The following NTS variants were observed in gnomAD, a reference collection of about 807,000 sequenced individuals.
NTS encodes the protein neurotensin.
In NTS, 20 loss-of-function variants were observed where a neutral mutation model predicts 19.5. That is an observed-to-expected ratio of 1.02 (90% CI 0.72 to 1.49). The LOEUF is 1.49. Among genes scored for constraint, NTS ranks in the 40% most tolerant of loss-of-function variants. The pLI, the probability that NTS is intolerant of heterozygous loss-of-function variation, is 0.00. For missense variants in NTS, 215 were observed against 193.1 expected, an observed-to-expected ratio of 1.11 and a Z score of -0.67; for synonymous variants, 71 against 63.3, an observed-to-expected ratio of 1.12 and a Z score of -0.58.
chr12:85,880,408 T>G (rs118051769), intron 3 of NTS, among the ~76,000 whole-genome samples: 1 of 152,232 alleles, frequency 6.6e-6, no homozygotes, highest in Non-Finnish European at 1.5e-5. Flanking sequence ...TAAGAGAAAC[T>G]TGGTCAATAT....
In NTS at chr12:85,881,768, A is replaced by T. The variant is rs757432380; in HGVS notation, c.361-455A>T. On this transcript the variant is annotated intron_variant, in intron 3 of 3. Coordinates refer to ENST00000256010, the MANE Select transcript of NTS (RefSeq NM_006183.5). ...AGTAACTGACTTAATTGAATATAACATTTTGTTACCTTTGTGGCCAAACTT... is the reference window on the plus strand; with the variant it reads ...AGTAACTGACTTAATTGAATATAACTTTTTGTTACCTTTGTGGCCAAACTT... 5.1e-4 allele frequency among the ~76,000 whole-genome samples: 78 copies of T among 152,260 alleles called. 1 individual carries two copies. Among genetic ancestry groups the T allele is most frequent in the African/African-American group, 1.4e-3 (59 of 41,558 alleles).
Position 85,875,391 on chromosome 12 carries a change from G to C in NTS, c.73+915G>C, listed in dbSNP as rs189510482. Among the ~76,000 whole-genome samples the C allele has an allele frequency of 7.9e-3, 1,207 of 152,066 alleles. 3 individuals are homozygous for C. The highest frequency in any genetic ancestry group is 0.014 in the Non-Finnish European group (964 of 67,914). The stretch of plus-strand genomic sequence containing the variant: ...CAGCAAAAATAATTTAACCTGTTCT[G>C]TGCTTTTATGTATCATAAATATGAC... On this transcript the variant is annotated intron_variant, in intron 1 of 3. Coordinates refer to ENST00000256010, the MANE Select transcript of NTS (RefSeq NM_006183.5).
rs1881286066 is a variant in NTS at position 85,874,472 on chromosome 12, C to T, written c.69C>T (p.Cys23=). Residue 23 remains cysteine (C), a synonymous_variant, in exon 1 of 4, where the codon TGC becomes TGT. Coordinates refer to ENST00000256010, the MANE Select transcript of NTS (RefSeq NM_006183.5). ...LLLAFSSWSL[C]SDSEEEMKAL... is the part of the protein sequence containing the mutation. The stretch of plus-strand genomic sequence containing the variant: ...TGGCTTTCAGCTCCTGGAGTCTGTG[C>T]TCAGGTAAGCAAAACAGAATTTCAC... 4 of 1,609,320 alleles carry T rather than the reference C, an allele frequency of 2.5e-6. No homozygotes were observed. Among genetic ancestry groups the T allele is most frequent in the African/African-American group, 1.3e-5 (1 of 74,814 alleles).
At chr12:85,875,425 G>A (rs1195920897) in intron 1 of NTS, among the ~76,000 whole-genome samples, 1 of 152,040 alleles carries the variant, frequency 6.6e-6, no homozygotes, top group Non-Finnish European at 1.5e-5. Flanking sequence ...ACATGGAAAT[G>A]TTTAACTCAA....
chr12:85,876,292 T>A (rs144964903), intron 1 of NTS, among the ~76,000 whole-genome samples: 43 of 152,060 alleles, frequency 2.8e-4, no homozygotes, highest in Non-Finnish European at 5.3e-4. Flanking sequence ...ATATGTAAAC[T>A]GTGGCTGGTA....
chr12:85,881,782 G>A (rs1341323364), intron 3 of NTS, among the ~76,000 whole-genome samples: 1 of 151,942 alleles, frequency 6.6e-6, no homozygotes, highest in Non-Finnish European at 1.5e-5. Context: ...TGTTACCTTT[G>A]TGGCCAAACT....
chr12:85,880,314 G>A (rs1432483414), intron 3 of NTS, among the ~76,000 whole-genome samples: 1 of 151,774 alleles, frequency 6.6e-6, no homozygotes, highest in East Asian at 1.9e-4. Context: ...AAGAGAAGGG[G>A]GAAGAAAAAT....
rs1021579686 is a variant in NTS at position 85,878,397 on chromosome 12, G to A, written c.188G>A (p.Ser63Asn). The change falls in exon 3 of 4, where the codon AGT (serine) becomes AAT (asparagine). Residue 63 changes from serine (S) to asparagine (N), a missense_variant. Ser to Asn is a conservative substitution (Grantham distance 46, BLOSUM62 1). Coordinates refer to ENST00000256010, the MANE Select transcript of NTS (RefSeq NM_006183.5). The stretch of plus-strand genomic sequence containing the variant: ...AAGATGACTCTGCTAAATGTTTGCA[G>A]TCTTGTAAATAATTTGAACAGCCCA... ...SWKMTLLNVC[S>N]LVNNLNSPAE... 4 of 1,612,900 alleles carry A rather than the reference G, an allele frequency of 2.5e-6. No homozygotes were observed. Among genetic ancestry groups the A allele is most frequent in the African/African-American group, 1.3e-5 (1 of 74,858 alleles).
chr12:85,875,225 G>A (rs1881314154), intron 1 of NTS, among the ~76,000 whole-genome samples: 1 of 151,984 alleles, frequency 6.6e-6, no homozygotes, highest in Admixed American at 6.6e-5. Context: ...AAGTATCTAC[G>A]AATAACTCAC....
At chr12:85,876,825 C>T (rs921958204) in intron 2 of NTS, 124 bp downstream of exon 2, 29 of 480,572 alleles carry the variant, frequency 6.0e-5, no homozygotes, top group Non-Finnish European at 9.6e-5. Flanking sequence ...GAGGCATTTC[C>T]TTTTTGAAAA....
At chr12:85,879,093 T>A (rs1291533193) in intron 3 of NTS, among the ~76,000 whole-genome samples, 1 of 147,272 alleles carries the variant, frequency 6.8e-6, no homozygotes, top group Non-Finnish European at 1.5e-5. Flanking sequence ...AATATATTTT[T>A]ATGTATATTT....
rs1263423319 is a variant in NTS, at chr12:85,882,578, A to G, written c.*203A>G. On this transcript the variant is annotated 3_prime_UTR_variant, in exon 4 of 4. Coordinates refer to ENST00000256010, the MANE Select transcript of NTS (RefSeq NM_006183.5). ...AAATCTTCAGCATGATGTGTTGTGTATAATTGGAGTAGATATTAATTAAGT... is the reference window on the plus strand; with the variant it reads ...AAATCTTCAGCATGATGTGTTGTGTGTAATTGGAGTAGATATTAATTAAGT... 3 of 453,350 alleles carry G rather than the reference A, an allele frequency of 6.6e-6. No individual in the cohort carries two copies. The highest frequency in any genetic ancestry group is 7.2e-5 in the South Asian group (2 of 27,616). The allele number at this position is 453,350 out of a possible 1,614,324, so 28.1% of individuals were successfully genotyped here.
chr12:85,874,740 G>GA (rs144442367), intron 1 of NTS, among the ~76,000 whole-genome samples: 4 of 152,068 alleles, frequency 2.6e-5, no homozygotes, highest in Middle Eastern at 3.4e-3. Context: ...CAACTAGAGG[G>GA]AAAAAAACCC....
chr12:85,879,845 TA>T (rs1450283742), intron 3 of NTS, among the ~76,000 whole-genome samples: 1 of 145,114 alleles, frequency 6.9e-6, no homozygotes, highest in Non-Finnish European at 1.5e-5. Context: ...AATATATTTT[TA>T]TGTATATTTA....
rs147732801 is a variant in NTS at position 85,875,839 on chromosome 12, T to A, written c.74-801T>A. On this transcript the variant is annotated intron_variant, in intron 1 of 3. Coordinates refer to ENST00000256010, the MANE Select transcript of NTS (RefSeq NM_006183.5). ...ATTAAGCCAATGGGTTCTCCAATTGTGGCATTTCTTTTTACTGAGTGTGTA... is the reference window on the plus strand; with the variant it reads ...ATTAAGCCAATGGGTTCTCCAATTGAGGCATTTCTTTTTACTGAGTGTGTA... Among the ~76,000 whole-genome samples, 415 of 152,136 alleles carry A rather than the reference T, an allele frequency of 2.7e-3. 1 individual carries two copies. Among genetic ancestry groups the A allele is most frequent in the African/African-American group, 9.5e-3 (397 of 41,576 alleles).
chr12:85,881,931 C>T (rs993450413), intron 3 of NTS, among the ~76,000 whole-genome samples: 8 of 151,820 alleles, frequency 5.3e-5, no homozygotes, highest in South Asian at 2.1e-4. Flanking sequence ...GATTAGTGTA[C>T]GGCCTTGAAA....
chr12:85,882,173 CAA>C, intron 3 of NTS, 48 bp from the exon 4 acceptor site: 2 of 1,419,756 alleles, frequency 1.4e-6, no homozygotes, highest in Non-Finnish European at 1.9e-6. Flanking sequence ...TGCTCTGAAA[CAA>C]AAGAGTTTAT....
Position 85,882,545 on chromosome 12 carries a change from ATAAATC to A in NTS, c.*178_*183del. The A allele has an allele frequency of 1.9e-6, 1 of 527,802 alleles. No individual in the cohort carries two copies. The highest frequency in any genetic ancestry group is 3.0e-5 in the South Asian group (1 of 33,886). 32.7% of individuals were successfully genotyped at this position (527,802 alleles called of 1,614,324 possible). ...TATAAATTAGACTAAGTGTTTTCAAATAAATCTAAATCTTCAGCATGATGTGTTGTG... is the reference window on the plus strand; with the variant it reads ...TATAAATTAGACTAAGTGTTTTCAAATAAATCTTCAGCATGATGTGTTGTG... On this transcript the variant is annotated 3_prime_UTR_variant, in exon 4 of 4. Coordinates refer to ENST00000256010, the MANE Select transcript of NTS (RefSeq NM_006183.5).
In NTS at chr12:85,878,445, A is replaced by T. The variant is rs1250835192; in HGVS notation, c.236A>T (p.His79Leu). The change falls in exon 3 of 4, where the codon CAT (histidine) becomes CTT (leucine). Residue 79 changes from histidine to leucine, a missense_variant. Coordinates refer to ENST00000256010, the MANE Select transcript of NTS (RefSeq NM_006183.5). ...NSPAEETGEV[H>L]EEELVARRKL... The stretch of plus-strand genomic sequence containing the variant: ...CCAGCTGAGGAAACAGGAGAAGTTC[A>T]TGAAGAGGAGCTTGTTGCAAGAAGG... 6.2e-7 allele frequency: 1 copy of T among 1,613,854 alleles called. No homozygotes were observed. Among genetic ancestry groups the T allele is most frequent in the South Asian group, 1.1e-5 (1 of 91,068 alleles).
Sources: gnomAD v4.1 joint callset for allele counts (sites outside exome capture counted in the v4.1 genomes callset) on GRCh38, gnomAD v4.1.1 for gene constraint, MANE v1.5 for transcripts, NCBI Gene and HGNC (gene_info 2026-07-23, HGNC 2026-07-21) for gene names.